Variants in KIF26B observed in about 807,000 individuals in gnomAD.
KIF26B encodes the protein kinesin-like protein KIF26B.
A neutral mutation model predicts 151.2 loss-of-function variants in KIF26B; 63 were observed. The ratio of observed to expected loss-of-function variants is 0.42; its 90% CI spans 0.34 to 0.51. KIF26B has a LOEUF of 0.51. KIF26B is among the 20% of genes least tolerant of loss of function. The probability of loss-of-function intolerance (pLI) is 0.07; values close to 1 mark genes in which losing one functional copy is unlikely to be tolerated. For synonymous variants in KIF26B, 1,357 were observed against 1,262.1 expected, an observed-to-expected ratio of 1.08 and a Z score of -1.59; for missense variants, 2,813 against 2,913.6, an observed-to-expected ratio of 0.97 and a Z score of 0.79.
At chr1:245,313,685 T>C (rs1318823007) in intron 2 of KIF26B, among the ~76,000 whole-genome samples, 2 of 152,182 alleles carry the variant, frequency 1.3e-5, no homozygotes, top group African/African-American at 4.8e-5. Context: ...CTGGAATTAA[T>C]CGGGAAGAAA....
intron 2 of KIF26B, among the ~76,000 whole-genome samples, chr1:245,326,048 C>G (rs910324432): frequency 6.6e-6 from 1 of 152,138 alleles, no homozygotes; most frequent in African/African-American, 2.4e-5. Context: ...CTCAGAACTC[C>G]ACTCCCCCTA....
At chr1:245,336,090 ACGCAGGGAAAGGAG>A (rs1281650672) in intron 2 of KIF26B, among the ~76,000 whole-genome samples, 5 of 141,312 alleles carry the variant, frequency 3.5e-5, no homozygotes, top group African/African-American at 1.4e-4. Context: ...GGAGGGTCCC[ACGCAGGGAAAGGAG>A]GGTCCCACGC....
rs1168675297 is a variant in KIF26B at position 245,244,110 on chromosome 1, C to G, written c.465+87427C>G. 6.6e-6 allele frequency among the ~76,000 whole-genome samples: 1 copy of G among 151,900 alleles called. No individual in the cohort carries two copies. Among genetic ancestry groups the G allele is most frequent in the Non-Finnish European group, 1.5e-5 (1 of 67,988 alleles). ...TACAGGCATGCACCATCATGCCTGG[C>G]TAATTTTTATTTATTTATTTATTTT... On this transcript the variant is annotated intron_variant, in intron 2 of 14. Transcript: ENST00000407071. The surrounding 1 kb of genome is among the most constrained non-coding windows in gnomAD (Gnocchi z 4.2).
intron 2 of KIF26B, among the ~76,000 whole-genome samples, chr1:245,260,685 T>C (rs1670619172): frequency 6.6e-6 from 1 of 152,210 alleles, no homozygotes; most frequent in South Asian, 2.1e-4. Flanking sequence ...TCTGTTACCT[T>C]CTGCCAAGTG....
Position 245,688,743 on chromosome 1 carries a change from G to C in KIF26B, c.5760G>C (p.Glu1920Asp). The C allele has an allele frequency of 6.2e-7, 1 of 1,605,904 alleles. No homozygotes were observed. The highest frequency in any genetic ancestry group is 8.5e-7 in the Non-Finnish European group (1 of 1,175,554). The change falls in exon 12 of 15, where the codon GAG becomes GAC. Residue 1920 changes from glutamate to aspartate, a missense_variant. Physicochemically the swap from Glu to Asp is conservative, Grantham distance 45. This residue lies in a region of KIF26B where 2,060 missense variants were observed against 2,088.6 expected (regional missense o/e 0.99). Transcript: ENST00000407071. ...SASSAQDSTS[E>D]NSSSVGGRCR... is the part of the protein sequence containing the mutation. The stretch of plus-strand genomic sequence containing the variant: ...CCTCGGCGCAGGACTCCACGAGCGA[G>C]AACAGCAGCTCCGTGGGCGGCAGGT...
intron 10 of KIF26B, among the ~76,000 whole-genome samples, chr1:245,662,921 A>G (rs2044172226): frequency 6.7e-6 from 1 of 150,324 alleles, no homozygotes; most frequent in Non-Finnish European, 1.5e-5. Context: ...GAGCTCAACC[A>G]GAGGGCTCCA....
rs1017291278 is a variant in KIF26B, at chr1:245,440,382, G to A, written c.1166+20637G>A. 3.3e-5 allele frequency among the ~76,000 whole-genome samples: 5 copies of A among 152,284 alleles called. No homozygotes were observed. The East Asian group carries it at 5.8e-4, about 18-fold the overall frequency. On this transcript the variant is annotated intron_variant, in intron 4 of 14. Transcript: ENST00000407071. ...GCAATCTGAGTAGCTCATTTGGCAC[G>A]TGGATAGATTATTCATTAAGTTTTG...
chr1:245,576,462 T>C (rs1369278365), intron 5 of KIF26B, among the ~76,000 whole-genome samples: 2 of 152,190 alleles, frequency 1.3e-5, no homozygotes, highest in African/African-American at 4.8e-5. Context: ...CAAGAAGACC[T>C]GTGAGGTCAG....
rs368424218 is a variant in KIF26B, at chr1:245,165,751, T to C, written c.465+9068T>C. On this transcript the variant is annotated intron_variant, in intron 2 of 14. Coordinates refer to ENST00000407071, the MANE Select transcript of KIF26B (RefSeq NM_018012.4). ...CATGGGAACTGAGGAAGGAGTGAGC[T>C]TCAGGGCATAGGGGTGACAAAAGGT... 8.5e-5 allele frequency among the ~76,000 whole-genome samples: 13 copies of C among 152,190 alleles called. No homozygotes were observed. In the East Asian group the frequency reaches 1.5e-3, roughly 18 times the overall value.
intron 4 of KIF26B, among the ~76,000 whole-genome samples, chr1:245,483,098 C>T (rs1353948348): frequency 2.0e-5 from 3 of 151,646 alleles, no homozygotes; most frequent in East Asian, 1.9e-4. Context: ...AGCTCTGGGT[C>T]GTCTTCTTTT....
chr1:245,353,275 G>T (rs941026798), intron 2 of KIF26B, among the ~76,000 whole-genome samples: 1 of 152,172 alleles, frequency 6.6e-6, no homozygotes, highest in Non-Finnish European at 1.5e-5. Context: ...GCTTGGGCTT[G>T]TTGTGGTTGA....
At chr1:245,237,968 G>A (rs185985485) in intron 2 of KIF26B, among the ~76,000 whole-genome samples, 45 of 151,598 alleles carry the variant, frequency 3.0e-4, no homozygotes, top group African/African-American at 1.0e-3. Context: ...CGAGGCTGTG[G>A]TGAGCCATGA....
rs763312734 is a variant in KIF26B, at chr1:245,540,792, T to C, written c.1192T>C (p.Ser398Pro). 6.2e-7 allele frequency: 1 copy of C among 1,613,878 alleles called. No individual in the cohort carries two copies. The highest frequency in any genetic ancestry group is 8.5e-7 in the Non-Finnish European group (1 of 1,179,898). ...AGCTGCCCAGAAGTTAAATCTGTCT[T>C]CTAAAAAGAAGAAACATCGGCCTTC... The part of the protein sequence containing the change: ...ARAAQKLNLS[S>P]KKKKHRPSTS... Residue 398 changes from serine (S) to proline (P), a missense_variant, in exon 5 of 15, where the codon TCT (serine) becomes CCT (proline). Ser to Pro is a moderately conservative substitution (Grantham distance 74). This residue lies in a region of KIF26B where 676 missense variants were observed against 688.1 expected (regional missense o/e 0.98). Transcript: ENST00000407071. The surrounding 1 kb of genome is among the most constrained non-coding windows in gnomAD (Gnocchi z 4.6).
Position 245,419,602 on chromosome 1 carries a change from T to C in KIF26B, c.1023T>C (p.Ser341=). 1 of 1,611,244 alleles carries C rather than the reference T, an allele frequency of 6.2e-7. No individual in the cohort carries two copies. Among genetic ancestry groups the C allele is most frequent in the Non-Finnish European group, 8.5e-7 (1 of 1,178,466 alleles). Reference sequence around the variant, plus strand: ...AGATCTCCCAGCTGATGACAGAGAGTAGCCGGGAGGGACTAACAGAAGCAG... The same window carrying C: ...AGATCTCCCAGCTGATGACAGAGAGCAGCCGGGAGGGACTAACAGAAGCAG... ...PYQISQLMTE[S]SREGLTEAVL... The change falls in exon 4 of 15, where the codon AGT becomes AGC. Residue 341 remains serine (S), a synonymous_variant. Coordinates refer to ENST00000407071, the MANE Select transcript of KIF26B (RefSeq NM_018012.4).
At chr1:245,699,788 C>T (rs752620374) in intron 14 of KIF26B, among the ~76,000 whole-genome samples, 27 of 152,222 alleles carry the variant, frequency 1.8e-4, no homozygotes, top group South Asian at 6.2e-4. Flanking sequence ...CCTCAGCCTC[C>T]GGCAGGCCTC....
chr1:245,702,682 TG>T lies in KIF26B; in HGVS notation c.*77del, dbSNP rs1328048323. 2.1e-6 allele frequency: 3 copies of T among 1,454,458 alleles called. No individual in the cohort carries two copies. In the African/African-American group the frequency reaches 4.2e-5, roughly 20 times the overall value. The allele number at this position is 1,454,458 out of a possible 1,614,324, so 90.1% of individuals were successfully genotyped here. On this transcript the variant is annotated 3_prime_UTR_variant, in exon 15 of 15. Transcript: ENST00000407071. The surrounding 1 kb of genome is among the most constrained non-coding windows in gnomAD (Gnocchi z 4.1). ...ATGTTGCACGCCCCTAGGCCCTCTG[TG>T]CTGGGGCATCAAAGACAATGAATGA...
intron 2 of KIF26B, among the ~76,000 whole-genome samples, chr1:245,351,455 T>C (rs967053839): frequency 2.0e-5 from 3 of 152,080 alleles, no homozygotes; most frequent in Non-Finnish European, 4.4e-5. Context: ...CCTTTTCCCG[T>C]CTTAAACATA....
At chr1:245,185,914 GC>G (rs1339267000) in intron 2 of KIF26B, among the ~76,000 whole-genome samples, 4 of 151,528 alleles carry the variant, frequency 2.6e-5, no homozygotes, top group African/African-American at 7.3e-5. Context: ...TCACTCTGTC[GC>G]CCAAGCTGGA....
intron 2 of KIF26B, among the ~76,000 whole-genome samples, chr1:245,355,164 G>A (rs4523555): frequency 0.11 from 16,724 of 151,958 alleles, 2,824 homozygotes; most frequent in African/African-American, 0.36. Flanking sequence ...ACCTCAGGTG[G>A]TCCGCCCATC....
Sources: gnomAD v4.1 joint callset for allele counts (sites outside exome capture counted in the v4.1 genomes callset) on GRCh38, gnomAD v4.1.1 for gene constraint, gnomAD v4.1.1 regional missense constraint, Gnocchi (gnomAD v3.1) non-coding constraint, MANE v1.5 for transcripts, NCBI Gene and HGNC (gene_info 2026-07-23, HGNC 2026-07-21) for gene names.